The following KLHL1 variants were observed in gnomAD, a reference collection of about 807,000 sequenced individuals.
KLHL1 encodes the protein kelch-like protein 1.
In KLHL1, 47 loss-of-function variants were observed where a neutral mutation model predicts 77.7. The ratio of observed to expected loss-of-function variants is 0.60; its 90% confidence interval spans 0.48 to 0.77. The LOEUF (loss-of-function observed/expected upper bound fraction) is 0.77, where lower values mean the gene tolerates loss of function less well. Among genes scored for constraint, KLHL1 ranks in the 30% least tolerant of loss-of-function variants. The pLI is 0.00. For missense variants in KLHL1, 925 were observed against 910.8 expected, an observed-to-expected ratio of 1.02 and a Z score of -0.20; for synonymous variants, 360 against 325.2, an observed-to-expected ratio of 1.11 and a Z score of -1.15.
chr13:69,967,167 C>A (rs569866974), intron 2 of KLHL1, among the ~76,000 whole-genome samples: 1 of 152,134 alleles, frequency 6.6e-6, no homozygotes, highest in East Asian at 1.9e-4. Context: ...ATTTTTAGTT[C>A]TTTGAAAAAT....
intron 6 of KLHL1, among the ~76,000 whole-genome samples, chr13:69,825,867 A>C (rs1203583214): frequency 2.0e-5 from 3 of 152,202 alleles, no homozygotes; most frequent in Non-Finnish European, 2.9e-5. Flanking sequence ...CTGATAGGGT[A>C]TATCCCAGAT....
intron 5 of KLHL1, among the ~76,000 whole-genome samples, chr13:69,852,330 AT>A: frequency 6.6e-6 from 1 of 152,038 alleles, no homozygotes; most frequent in East Asian, 1.9e-4. Flanking sequence ...CCCACATTTT[AT>A]TTCAGAAATG....
chr13:69,796,806 T>C lies in KLHL1; in HGVS notation c.1571A>G (p.Glu524Gly), dbSNP rs767770234. Reference protein sequence around the residue: ...RDGLKTLNTVECYNPKTKTWT... With the variant: ...RDGLKTLNTVGCYNPKTKTWT... The stretch of plus-strand genomic sequence containing the variant: ...TGTCTTGGTTTTGGGATTGTAACAT[T>C]CAACAGTGTTCAATGTCTTTAAGCC... The change falls in exon 7 of 11, where the codon GAA (glutamate) becomes GGA (glycine). Residue 524 changes from glutamate to glycine, a missense_variant. Glu to Gly is a moderately conservative substitution (Grantham distance 98). Transcript: ENST00000377844. 13 of 1,614,052 alleles carry C rather than the reference T, an allele frequency of 8.1e-6. No individual in the cohort carries two copies. Among genetic ancestry groups the C allele is most frequent in the South Asian group, 2.2e-5 (2 of 91,090 alleles).
At chr13:69,757,098 C>T (rs1000533161) in intron 7 of KLHL1, among the ~76,000 whole-genome samples, 1 of 151,962 alleles carries the variant, frequency 6.6e-6, no homozygotes. Flanking sequence ...GAAATTTTAC[C>T]CAGTCCAAGC....
intron 1 of KLHL1, among the ~76,000 whole-genome samples, chr13:70,028,953 G>C (rs1886023223): frequency 6.8e-6 from 1 of 147,588 alleles, no homozygotes; most frequent in Non-Finnish European, 1.5e-5. Flanking sequence ...CTGCATTCCA[G>C]CTTGGATGAC....
intron 7 of KLHL1, among the ~76,000 whole-genome samples, chr13:69,779,581 C>A (rs1392637666): frequency 6.6e-6 from 1 of 151,400 alleles, no homozygotes; most frequent in Admixed American, 6.6e-5. Context: ...ATATTTCTAA[C>A]AGAAACTGAT....
intron 1 of KLHL1, among the ~76,000 whole-genome samples, chr13:70,036,835 CTTTTTTTT>C (rs5804467): frequency 3.9e-5 from 2 of 50,684 alleles, no homozygotes; most frequent in African/African-American, 7.4e-5. Context: ...ATGCCATGGT[CTTTTTTTT>C]TTTTTTTTTT....
At chr13:69,718,215 C>T (rs117256294) in intron 9 of KLHL1, among the ~76,000 whole-genome samples, 3,783 of 152,202 alleles carry the variant, frequency 0.025, 68 homozygotes, top group Middle Eastern at 0.048. Context: ...CTAAACATCT[C>T]GCTTTTCTCC....
At chr13:69,855,676 C>T (rs1879882061) in intron 5 of KLHL1, among the ~76,000 whole-genome samples, 1 of 151,502 alleles carries the variant, frequency 6.6e-6, no homozygotes, top group African/African-American at 2.4e-5. Flanking sequence ...TCCCTGCTTC[C>T]CCTTCCCCTT....
intron 1 of KLHL1, among the ~76,000 whole-genome samples, chr13:69,988,968 A>T (rs1195563911): frequency 1.3e-5 from 2 of 151,982 alleles, no homozygotes; most frequent in African/African-American, 4.8e-5. Flanking sequence ...GTTTAATTAG[A>T]TCTCATTTGT....
At chr13:69,799,579 G>T (rs1171157206) in intron 6 of KLHL1, among the ~76,000 whole-genome samples, 1 of 152,116 alleles carries the variant, frequency 6.6e-6, no homozygotes. Context: ...TTTCAAATTA[G>T]AATTTATATT....
chr13:69,955,334 T>C (rs1022677863), intron 3 of KLHL1, among the ~76,000 whole-genome samples: 1 of 151,396 alleles, frequency 6.6e-6, no homozygotes, highest in Non-Finnish European at 1.5e-5. Context: ...TCTTAACATT[T>C]CTTAGCAGGT....
intron 1 of KLHL1, among the ~76,000 whole-genome samples, 161 bp from the exon 2 acceptor site, chr13:69,975,963 G>A (rs897168434): frequency 2.0e-5 from 3 of 151,902 alleles, no homozygotes; most frequent in Non-Finnish European, 2.9e-5. Flanking sequence ...AATAAAAGTC[G>A]AATAATCTAT....
intron 3 of KLHL1, among the ~76,000 whole-genome samples, chr13:69,946,504 T>A (rs1883529756): frequency 6.6e-6 from 1 of 152,052 alleles, no homozygotes; most frequent in South Asian, 2.1e-4. Context: ...ATTTTTTTTC[T>A]TCTTTGTTCT....
chr13:69,919,081 A>T (rs1424204464), intron 4 of KLHL1, among the ~76,000 whole-genome samples: 1 of 151,988 alleles, frequency 6.6e-6, no homozygotes, highest in Non-Finnish European at 1.5e-5. Flanking sequence ...TACCTTGTCT[A>T]ACACCATAAT....
intron 1 of KLHL1, among the ~76,000 whole-genome samples, chr13:69,997,765 A>G (rs910878446): frequency 1.4e-5 from 2 of 148,102 alleles, no homozygotes; most frequent in Admixed American, 6.8e-5. Context: ...ATAAATATAT[A>G]AATGTATAAT....
intron 1 of KLHL1, among the ~76,000 whole-genome samples, chr13:70,082,920 C>T (rs1240048212): frequency 6.6e-6 from 1 of 152,112 alleles, no homozygotes; most frequent in African/African-American, 2.4e-5. Flanking sequence ...GGGAGCTAAA[C>T]ATGGAGCACA....
At chr13:69,745,821 T>A (rs1033223082) in intron 7 of KLHL1, among the ~76,000 whole-genome samples, 1 of 151,868 alleles carries the variant, frequency 6.6e-6, no homozygotes, top group Non-Finnish European at 1.5e-5. Flanking sequence ...GTATTTCATA[T>A]GAATTTTTAA....
chr13:70,029,590 G>A (rs1886043178), intron 1 of KLHL1, among the ~76,000 whole-genome samples: 2 of 152,200 alleles, frequency 1.3e-5, no homozygotes, highest in South Asian at 4.1e-4. Context: ...CCCTAAAAGA[G>A]CTCATGAAGG....
Sources: allele counts gnomAD v4.1 joint callset (sites outside exome capture counted in the v4.1 genomes callset), GRCh38; gene constraint gnomAD v4.1.1; transcripts MANE v1.5; gene names NCBI Gene and HGNC (gene_info 2026-07-23, HGNC 2026-07-21).